Variants in RANBP2 observed in about 807,000 individuals in gnomAD.
The protein encoded by RANBP2 is RAN binding protein 2.
RANBP2 carries 57 observed loss-of-function variants against 303.6 expected under a neutral mutation model. The ratio of observed to expected loss-of-function variants is 0.19; its 90% confidence interval spans 0.15 to 0.23. RANBP2 has a LOEUF of 0.23. Ranked by LOEUF, RANBP2 falls within the 10% of genes least tolerant of loss-of-function variation. RANBP2 has a pLI of 1.00. For missense variants in RANBP2, 3,138 were observed against 3,780.8 expected (o/e 0.83, Z 4.46); for synonymous variants, 1,167 against 1,301.5 (o/e 0.90, Z 2.23).
chr2:108,807,720 C>T, the RANBP2 span, among the ~76,000 whole-genome samples: 2 of 152,100 alleles, frequency 1.3e-5, no homozygotes, highest in South Asian at 2.1e-4. Flanking sequence ...TGGACTCAAG[C>T]GATTCTCCTG....
At chr2:109,556,883 A>C in the RANBP2 span, among the ~76,000 whole-genome samples, 9 of 152,178 alleles carry the variant, frequency 5.9e-5, no homozygotes, top group Non-Finnish European at 1.2e-4. Flanking sequence ...ACATGGATGA[A>C]GCTGGAAATC....
At chr2:109,669,957 C>G in the RANBP2 span, among the ~76,000 whole-genome samples, 1 of 151,760 alleles carries the variant, frequency 6.6e-6, no homozygotes, top group Admixed American at 6.6e-5. Flanking sequence ...GCAGTGCAGC[C>G]TCTGATAGTG....
the RANBP2 span, among the ~76,000 whole-genome samples, chr2:108,932,528 CAAAAAAAAAAA>C: frequency 5.1e-5 from 2 of 39,124 alleles, no homozygotes; most frequent in Admixed American, 2.6e-4. Flanking sequence ...GACTCTGTCT[CAAAAAAAAAAA>C]AAAAAAAAAA....
chr2:109,380,317 G>A, the RANBP2 span, among the ~76,000 whole-genome samples: 3 of 151,994 alleles, frequency 2.0e-5, no homozygotes, highest in African/African-American at 7.2e-5. Context: ...TGATTGTTTT[G>A]TCTCCCTAAG....
chr2:109,215,613 C>T, the RANBP2 span, among the ~76,000 whole-genome samples: 1 of 152,100 alleles, frequency 6.6e-6, no homozygotes, highest in African/African-American at 2.4e-5. Flanking sequence ...TAGAGTTCTT[C>T]CTCGGTGACT....
the RANBP2 span, among the ~76,000 whole-genome samples, chr2:108,974,917 G>T: frequency 6.6e-6 from 1 of 152,166 alleles, no homozygotes; most frequent in Middle Eastern, 3.2e-3. Context: ...TAGCCTTTCT[G>T]AGGTGTGCAG....
At chr2:108,867,439 A>G in the RANBP2 span, among the ~76,000 whole-genome samples, 6 of 152,366 alleles carry the variant, frequency 3.9e-5, no homozygotes, top group East Asian at 1.2e-3. Flanking sequence ...AACTGGAAAA[A>G]TGGCAGACTA....
the RANBP2 span, among the ~76,000 whole-genome samples, chr2:109,027,536 C>T: frequency 6.6e-6 from 1 of 152,030 alleles, no homozygotes; most frequent in Non-Finnish European, 1.5e-5. Flanking sequence ...GTCCATCCAC[C>T]CTCTGTTTAT....
At chr2:109,587,755 T>C in the RANBP2 span, among the ~76,000 whole-genome samples, 2 of 151,870 alleles carry the variant, frequency 1.3e-5, no homozygotes, top group African/African-American at 2.4e-5. Flanking sequence ...CTACTAAAAA[T>C]ACAAAAAATT....
the RANBP2 span, among the ~76,000 whole-genome samples, chr2:109,376,296 G>T: frequency 2.0e-5 from 3 of 152,240 alleles, no homozygotes; most frequent in Admixed American, 1.3e-4. Context: ...CACAGGTCCA[G>T]GGTGTGGACG....
the RANBP2 span, among the ~76,000 whole-genome samples, chr2:108,810,122 G>T: frequency 1.3e-5 from 2 of 152,082 alleles, no homozygotes; most frequent in Non-Finnish European, 2.9e-5. Context: ...TTCCAATTTG[G>T]ATGTCTTTTA....
At chr2:108,964,899 G>T in the RANBP2 span, among the ~76,000 whole-genome samples, 5 of 152,082 alleles carry the variant, frequency 3.3e-5, no homozygotes, top group Non-Finnish European at 5.9e-5. Flanking sequence ...ATAACAGCAC[G>T]TCTGGAATAA....
chr2:109,627,561 A>T, the RANBP2 span, among the ~76,000 whole-genome samples: 2 of 152,210 alleles, frequency 1.3e-5, no homozygotes, highest in African/African-American at 4.8e-5. Context: ...TGTATATATA[A>T]TGATGATTTT....
chr2:108,922,368 GAATT>G, the RANBP2 span, among the ~76,000 whole-genome samples: 2 of 152,244 alleles, frequency 1.3e-5, no homozygotes, highest in Non-Finnish European at 2.9e-5. Context: ...TCTAATTTGT[GAATT>G]AATTAGCATA....
the RANBP2 span, among the ~76,000 whole-genome samples, chr2:108,985,415 C>T: frequency 2.6e-5 from 4 of 152,218 alleles, no homozygotes; most frequent in Admixed American, 1.3e-4. Flanking sequence ...GGCATGAGCT[C>T]GCAGGGTGGT....
the RANBP2 span, among the ~76,000 whole-genome samples, chr2:109,256,309 G>A: frequency 2.6e-5 from 4 of 152,226 alleles, no homozygotes; most frequent in African/African-American, 7.2e-5. Context: ...GGAAGTTGAC[G>A]CTGTGACGTA....
At chr2:109,219,618 T>A in the RANBP2 span, among the ~76,000 whole-genome samples, 1 of 152,164 alleles carries the variant, frequency 6.6e-6, no homozygotes, top group African/African-American at 2.4e-5. Flanking sequence ...AAATATAAAA[T>A]TAAAGCTCAC....
At chr2:109,142,886 A>G in the RANBP2 span, among the ~76,000 whole-genome samples, 3 of 152,104 alleles carry the variant, frequency 2.0e-5, no homozygotes. Flanking sequence ...CAGGTTGAGG[A>G]ATTGTCAAGG....
chr2:109,721,240 G>A, the RANBP2 span, among the ~76,000 whole-genome samples: 34 of 152,290 alleles, frequency 2.2e-4, no homozygotes, highest in Middle Eastern at 3.4e-3. Context: ...ACACGCTGCG[G>A]CTTTCTTCCT....
Sources: gnomAD v4.1 joint callset for allele counts (sites outside exome capture counted in the v4.1 genomes callset) on GRCh38, gnomAD v4.1.1 for gene constraint, MANE v1.5 for transcripts, NCBI Gene and HGNC (gene_info 2026-07-23, HGNC 2026-07-21) for gene names.